Variants in ZNF804B observed in about 807,000 individuals in gnomAD.
ZNF804B encodes the protein zinc finger protein 804B.
A neutral mutation model predicts 101.4 loss-of-function variants in ZNF804B; 80 were observed. The observed-to-expected ratio is 0.79, with a 90% CI of 0.66 to 0.95. The LOEUF (loss-of-function observed/expected upper bound fraction) is 0.95. Among genes scored for constraint, ZNF804B ranks in the 40% least tolerant of loss-of-function variants. ZNF804B has a pLI of 0.00. For synonymous variants in ZNF804B, 622 were observed against 558.8 expected (o/e 1.11, Z -1.59); for missense variants, 1,673 against 1,561.9 (o/e 1.07, Z -1.20).
chr7:89,218,843 A>C (rs572684242), intron 2 of ZNF804B, among the ~76,000 whole-genome samples: 1 of 152,254 alleles, frequency 6.6e-6, no homozygotes, highest in Admixed American at 6.5e-5. Context: ...GTGGAAGTGG[A>C]TCATCATAAA....
chr7:89,070,227 C>A (rs1236934699), intron 1 of ZNF804B, among the ~76,000 whole-genome samples: 1 of 152,142 alleles, frequency 6.6e-6, no homozygotes, highest in Non-Finnish European at 1.5e-5. Flanking sequence ...GTACTATGGT[C>A]CCAAATATCA....
At chr7:89,332,535 A>G (rs75384911) in intron 3 of ZNF804B, among the ~76,000 whole-genome samples, 2,524 of 151,934 alleles carry the variant, frequency 0.017, 70 homozygotes, top group African/African-American at 0.058. Flanking sequence ...GCCTTCTTTT[A>G]TAGTAGAGGG....
Position 89,334,808 on chromosome 7 carries a change from A to G in ZNF804B, c.1826A>G (p.His609Arg), listed in dbSNP as rs781035485. The stretch of plus-strand genomic sequence containing the variant: ...AAACTTAAGGAAGCTTCAAGGGCCC[A>G]TTGGCAAGGCTGCAGAAAGGCAGTT... ...ENKLKEASRA[H>R]WQGCRKAVLN... Residue 609 changes from histidine to arginine, a missense_variant, in exon 4 of 4, where the codon CAT becomes CGT. Physicochemically the swap from His to Arg is conservative, Grantham distance 29 (BLOSUM62 0). Transcript: ENST00000333190. 1.2e-6 allele frequency: 2 copies of G among 1,613,874 alleles called. No homozygotes were observed. The highest frequency in any genetic ancestry group is 1.7e-6 in the Non-Finnish European group (2 of 1,179,876).
chr7:88,774,565 G>A (rs117234237), intron 1 of ZNF804B, among the ~76,000 whole-genome samples: 4,553 of 152,206 alleles, frequency 0.03, 100 homozygotes, highest in Non-Finnish European at 0.046. Flanking sequence ...TTTCAATTTA[G>A]ATGCTGCTAA....
At chr7:89,151,259 C>T (rs1790871241) in intron 1 of ZNF804B, among the ~76,000 whole-genome samples, 1 of 151,974 alleles carries the variant, frequency 6.6e-6, no homozygotes, top group Non-Finnish European at 1.5e-5. Flanking sequence ...GGCCATTGAA[C>T]ATTTATCATT....
At chr7:88,828,976 C>A (rs1261545139) in intron 1 of ZNF804B, among the ~76,000 whole-genome samples, 4 of 152,116 alleles carry the variant, frequency 2.6e-5, no homozygotes, top group Non-Finnish European at 5.9e-5. Context: ...GTTTACCCAG[C>A]TACTGAACTG....
At chr7:89,106,724 G>A (rs1238532304) in intron 1 of ZNF804B, among the ~76,000 whole-genome samples, 1 of 152,108 alleles carries the variant, frequency 6.6e-6, no homozygotes, top group Non-Finnish European at 1.5e-5. Context: ...GGATTGGGAG[G>A]ATGGCTAGAG....
chr7:89,073,453 T>A (rs1789571086), intron 1 of ZNF804B, among the ~76,000 whole-genome samples: 1 of 152,174 alleles, frequency 6.6e-6, no homozygotes, highest in Non-Finnish European at 1.5e-5. Flanking sequence ...AGGCTGCTTA[T>A]TTTTATCTAA....
intron 1 of ZNF804B, among the ~76,000 whole-genome samples, chr7:88,918,177 CTAGA>C (rs1257545120): frequency 2.6e-5 from 4 of 151,868 alleles, no homozygotes; most frequent in African/African-American, 7.2e-5. Context: ...ACCAAAAGGA[CTAGA>C]TAAACAGTGA....
intron 1 of ZNF804B, among the ~76,000 whole-genome samples, chr7:88,996,221 G>T (rs1788194092): frequency 6.6e-6 from 1 of 151,936 alleles, no homozygotes; most frequent in Non-Finnish European, 1.5e-5. Context: ...GTAGATTGTA[G>T]GCATTTTAAA....
intron 1 of ZNF804B, among the ~76,000 whole-genome samples, chr7:88,921,099 A>G (rs1792712331): frequency 6.6e-6 from 1 of 152,116 alleles, no homozygotes; most frequent in Non-Finnish European, 1.5e-5. Flanking sequence ...TTTTAGCACA[A>G]TAATCTTAAA....
chr7:89,123,639 T>A (rs1036714334), intron 1 of ZNF804B, among the ~76,000 whole-genome samples: 3 of 152,192 alleles, frequency 2.0e-5, no homozygotes, highest in Non-Finnish European at 2.9e-5. Flanking sequence ...TGATAGTTAA[T>A]GTTCATTTAG....
intron 1 of ZNF804B, among the ~76,000 whole-genome samples, chr7:88,990,619 C>T (rs1203420400): frequency 6.6e-6 from 1 of 152,060 alleles, no homozygotes; most frequent in Admixed American, 6.6e-5. Flanking sequence ...GATATTACAG[C>T]TAAGGAAATT....
chr7:89,158,422 C>G (rs1791009141), intron 1 of ZNF804B, among the ~76,000 whole-genome samples: 1 of 152,148 alleles, frequency 6.6e-6, no homozygotes, highest in Non-Finnish European at 1.5e-5. Context: ...AGCTTCATCT[C>G]TGAAATACTT....
Position 88,927,830 on chromosome 7 carries a change from C to A in ZNF804B, c.108+167746C>A, listed in dbSNP as rs545002011. On this transcript the variant is annotated intron_variant, in intron 1 of 3. Coordinates refer to ENST00000333190, the MANE Select transcript of ZNF804B (RefSeq NM_181646.5). ...TACCATTATATAAACTGTATTCCTA[C>A]CTTGTCCTTAAATTAACATGCACTT... 9.6e-4 allele frequency among the ~76,000 whole-genome samples: 146 copies of A among 152,238 alleles called. 1 individual carries two copies. The highest frequency in any genetic ancestry group is 3.4e-3 in the African/African-American group (142 of 41,552).
At chr7:89,183,133 C>T (rs1039198728) in intron 1 of ZNF804B, among the ~76,000 whole-genome samples, 1 of 151,702 alleles carries the variant, frequency 6.6e-6, no homozygotes, top group African/African-American at 2.4e-5. Flanking sequence ...AAACATGTGG[C>T]AATAGGAGGA....
chr7:89,070,715 C>G (rs1374333926), intron 1 of ZNF804B, among the ~76,000 whole-genome samples: 2 of 152,022 alleles, frequency 1.3e-5, no homozygotes, highest in Non-Finnish European at 2.9e-5. Flanking sequence ...ACCTCAGGCT[C>G]AATGGCAAAT....
At chr7:88,894,784 A>T (rs976183585) in intron 1 of ZNF804B, among the ~76,000 whole-genome samples, 23 of 152,152 alleles carry the variant, frequency 1.5e-4, no homozygotes, top group African/African-American at 4.8e-4. Flanking sequence ...TATTTTGATG[A>T]TATAATATTC....
intron 1 of ZNF804B, among the ~76,000 whole-genome samples, chr7:89,050,062 A>C (rs1008530385): frequency 6.6e-6 from 1 of 152,152 alleles, no homozygotes; most frequent in African/African-American, 2.4e-5. Flanking sequence ...TAGATGGAAA[A>C]AGAAATAGTT....
Sources: gnomAD v4.1 joint callset for allele counts (sites outside exome capture counted in the v4.1 genomes callset) on GRCh38, gnomAD v4.1.1 for gene constraint, MANE v1.5 for transcripts, NCBI Gene and HGNC (gene_info 2026-07-23, HGNC 2026-07-21) for gene names.